Variants in NAV2 observed in about 807,000 individuals in gnomAD.
NAV2 encodes neuron navigator 2.
NAV2 carries 54 observed loss-of-function variants against 223.2 expected under a neutral mutation model. That is an observed-to-expected ratio of 0.24 (90% CI 0.19 to 0.30). The LOEUF is 0.30. NAV2 is among the 10% of genes least tolerant of loss of function. The pLI is 1.00. For missense variants in NAV2, 2,806 were observed against 3,147.5 expected (o/e 0.89, Z 2.60); for synonymous variants, 1,279 against 1,239.3 (o/e 1.03, Z -0.67).
intron 1 of NAV2, among the ~76,000 whole-genome samples, chr11:19,602,276 C>T (rs1040711472): frequency 6.7e-6 from 1 of 149,118 alleles, no homozygotes; most frequent in Non-Finnish European, 1.5e-5. Context: ...CTCCCGAGTT[C>T]AGGCTATTTT....
intron 6 of NAV2, among the ~76,000 whole-genome samples, chr11:19,894,551 G>A (rs1765087260): frequency 6.6e-6 from 1 of 152,186 alleles, no homozygotes; most frequent in African/African-American, 2.4e-5. Flanking sequence ...AGCTGCCTAT[G>A]GGTGTGCCCG....
intron 22 of NAV2, among the ~76,000 whole-genome samples, chr11:20,076,016 T>A (rs1404521188): frequency 6.6e-6 from 1 of 152,150 alleles, no homozygotes; most frequent in African/African-American, 2.4e-5. Flanking sequence ...CCAAACCTCC[T>A]TTTTTCCCCA....
At chr11:19,942,916 G>A (rs2046519795) in intron 8 of NAV2, among the ~76,000 whole-genome samples, 1 of 152,188 alleles carries the variant, frequency 6.6e-6, no homozygotes, top group South Asian at 2.1e-4. Context: ...CCAGGAGTTT[G>A]AGGCTGCATT....
At chr11:19,388,346 GA>G (rs1849121926) in intron 1 of NAV2, among the ~76,000 whole-genome samples, 1 of 152,194 alleles carries the variant, frequency 6.6e-6, no homozygotes, top group African/African-American at 2.4e-5. Flanking sequence ...CCCAGTCCCA[GA>G]AAAAGCAGCT....
chr11:19,768,364 A>C (rs2152567993), intron 1 of NAV2, among the ~76,000 whole-genome samples: 1 of 152,234 alleles, frequency 6.6e-6, no homozygotes, highest in East Asian at 1.9e-4. Flanking sequence ...GTGCTTGCCT[A>C]ATATCAGTCA....
intron 1 of NAV2, among the ~76,000 whole-genome samples, chr11:19,391,378 A>G (rs1244651383): frequency 6.6e-6 from 1 of 152,114 alleles, no homozygotes; most frequent in African/African-American, 2.4e-5. Context: ...CCCTGTCCAC[A>G]CACCTTTTCC....
chr11:20,091,165 A>G (rs998338902), intron 27 of NAV2, 147 bp downstream of exon 27: 3 of 728,986 alleles, frequency 4.1e-6, no homozygotes, highest in East Asian at 2.7e-5. Flanking sequence ...TCCCTCCCAC[A>G]CATTGCTCAA....
At chr11:19,666,352 G>A (rs190354585) in intron 1 of NAV2, among the ~76,000 whole-genome samples, 10 of 152,328 alleles carry the variant, frequency 6.6e-5, no homozygotes, top group Middle Eastern at 3.4e-3. Flanking sequence ...GTCACATTAT[G>A]CCTTTGCAGA....
chr11:19,622,401 G>T (rs563947270), intron 1 of NAV2, among the ~76,000 whole-genome samples: 3 of 152,150 alleles, frequency 2.0e-5, no homozygotes, highest in Non-Finnish European at 4.4e-5. Context: ...AAGTCTCTTT[G>T]TAGGTCTCTA....
chr11:19,692,487 A>G (rs2049206686), intron 1 of NAV2, among the ~76,000 whole-genome samples: 1 of 152,238 alleles, frequency 6.6e-6, no homozygotes, highest in Non-Finnish European at 1.5e-5. Context: ...ATCCACATCT[A>G]TAAGGATGTC....
At chr11:19,942,766 T>A (rs7951577) in intron 8 of NAV2, among the ~76,000 whole-genome samples, 2 of 152,068 alleles carry the variant, frequency 1.3e-5, no homozygotes, top group South Asian at 2.1e-4. Context: ...AGAGGATCGC[T>A]TGAGGCCAGG....
chr11:19,712,480 C>T (rs1590133622), upstream of NAV2: 1 of 152,332 alleles, frequency 6.6e-6, no homozygotes, highest in South Asian at 2.1e-4. Context: ...AGACTCAAAC[C>T]GTTAAGGTGA....
chr11:19,572,083 G>A (rs1173844333), intron 1 of NAV2, among the ~76,000 whole-genome samples: 1 of 152,236 alleles, frequency 6.6e-6, no homozygotes, highest in Non-Finnish European at 1.5e-5. Context: ...GGCAGACACA[G>A]GGGTGCAGAT....
intron 1 of NAV2, among the ~76,000 whole-genome samples, chr11:19,785,646 G>GTTTTTTTTTTTTT: frequency 7.7e-6 from 1 of 129,148 alleles, no homozygotes; most frequent in Admixed American, 7.4e-5. Flanking sequence ...GCGTCAGCTG[G>GTTTTTTTTTTTTT]CTTTTTTTTT....
chr11:19,401,681 A>C (rs1423524789), intron 1 of NAV2, among the ~76,000 whole-genome samples: 1 of 152,336 alleles, frequency 6.6e-6, no homozygotes, highest in African/African-American at 2.4e-5. Flanking sequence ...AGGGAGCACT[A>C]TGTATACATT....
Position 19,713,446 on chromosome 11 carries a change from C to A in NAV2, c.-250C>A. The stretch of plus-strand genomic sequence containing the variant: ...CACCCAGGAGAGGTGTGAGACCCGG[C>A]GGCAGCATCCGTCCAGGTGGGACCC... On this transcript the variant is annotated 5_prime_UTR_variant, in exon 1 of 38. Coordinates refer to ENST00000349880, the MANE Select transcript of NAV2 (RefSeq NM_145117.5). The surrounding 1 kb of genome is among the most constrained non-coding windows in gnomAD (Gnocchi z 7.2). 7.8e-7 allele frequency: 1 copy of A among 1,274,322 alleles called. No individual in the cohort carries two copies. Among genetic ancestry groups the A allele is most frequent in the Non-Finnish European group, 9.9e-7 (1 of 1,014,222 alleles). 78.9% of individuals were successfully genotyped at this position (1,274,322 alleles called of 1,614,324 possible).
chr11:19,645,427 A>G (rs1354446630), intron 1 of NAV2, among the ~76,000 whole-genome samples: 1 of 152,120 alleles, frequency 6.6e-6, no homozygotes. Context: ...GTCAGATAAC[A>G]TTTTCACAGA....
At chr11:20,089,169 A>T (rs1245667216) in intron 26 of NAV2, among the ~76,000 whole-genome samples, 1 of 152,192 alleles carries the variant, frequency 6.6e-6, no homozygotes, top group African/African-American at 2.4e-5. Flanking sequence ...AAAGTGTGAG[A>T]TGGAAATAAT....
chr11:19,947,546 G>A (rs556220902), intron 9 of NAV2, among the ~76,000 whole-genome samples: 85 of 152,286 alleles, frequency 5.6e-4, no homozygotes, highest in African/African-American at 1.9e-3. Flanking sequence ...TTTGACGGTG[G>A]GATGGTAATT....
Sources: allele counts gnomAD v4.1 joint callset (sites outside exome capture counted in the v4.1 genomes callset), GRCh38; gene constraint gnomAD v4.1.1; non-coding constraint Gnocchi (gnomAD v3.1); transcripts MANE v1.5; gene names NCBI Gene and HGNC (gene_info 2026-07-23, HGNC 2026-07-21).